The following OPHN1 variants were observed in gnomAD, a reference collection of about 807,000 sequenced individuals.
OPHN1 encodes the protein oligophrenin-1.
Under a neutral mutation model 60.7 loss-of-function variants are expected in OPHN1, and 11 were observed. That is an observed-to-expected ratio of 0.18 (90% confidence interval 0.11 to 0.30). OPHN1 has a LOEUF of 0.30. Among genes scored for constraint, OPHN1 ranks in the 10% least tolerant of loss-of-function variants. OPHN1 has a pLI of 1.00. For synonymous variants in OPHN1, 226 were observed against 222.6 expected, an observed-to-expected ratio of 1.02 and a Z score of -0.14; for missense variants, 449 against 611.0, an observed-to-expected ratio of 0.73 and a Z score of 2.80.
chrX:68,116,769 A>G (rs958342156), intron 16 of OPHN1, among the ~76,000 whole-genome samples: 5 of 111,659 alleles, frequency 4.5e-5, no homozygotes, highest in Non-Finnish European at 9.4e-5. Flanking sequence ...ATGCATGACC[A>G]TCATTTGGTT....
chrX:68,325,188 T>G (rs756552144), intron 2 of OPHN1, among the ~76,000 whole-genome samples: 44 of 108,882 alleles, frequency 4.0e-4, no homozygotes, highest in Non-Finnish European at 4.6e-4. Flanking sequence ...AATCTGTAGG[T>G]TTTTTTTTAA....
At chrX:68,283,438 T>C (rs990988498) in intron 3 of OPHN1, among the ~76,000 whole-genome samples, 1 of 111,986 alleles carries the variant, frequency 8.9e-6, no homozygotes, top group Non-Finnish European at 1.9e-5. Flanking sequence ...GTGTAATTAA[T>C]TGGCAGCTAT....
At chrX:68,339,073 G>A (rs985330618) in intron 2 of OPHN1, among the ~76,000 whole-genome samples, 45 of 92,063 alleles carry the variant, frequency 4.9e-4, no homozygotes, top group African/African-American at 2.1e-3. Context: ...GTGAGACCCT[G>A]TCTGAAAAAA....
intron 4 of OPHN1, among the ~76,000 whole-genome samples, chrX:68,276,732 AG>A (rs1275011147): frequency 9.0e-6 from 1 of 111,282 alleles, no homozygotes; most frequent in Non-Finnish European, 1.9e-5. Flanking sequence ...GTACTCCAGA[AG>A]TAACACTCTG....
At chrX:68,235,707 A>C (rs2077749857) in intron 5 of OPHN1, among the ~76,000 whole-genome samples, 2 of 108,830 alleles carry the variant, frequency 1.8e-5, no homozygotes, top group African/African-American at 6.7e-5. Context: ...AGAGAAAAAA[A>C]ATTAGCTGGG....
intron 2 of OPHN1, among the ~76,000 whole-genome samples, chrX:68,332,507 G>A (rs1039902396): frequency 8.9e-6 from 1 of 112,111 alleles, no homozygotes. Flanking sequence ...GGCCACAGCC[G>A]AGGGAAAGGT....
At chrX:68,348,097 C>T (rs1056325198) in intron 2 of OPHN1, among the ~76,000 whole-genome samples, 5 of 111,773 alleles carry the variant, frequency 4.5e-5, no homozygotes, top group African/African-American at 1.6e-4. Context: ...GTGTGGGGCA[C>T]ATGAGTTATC....
chrX:68,131,459 G>A (rs1308191057), intron 15 of OPHN1, among the ~76,000 whole-genome samples: 1 of 110,558 alleles, frequency 9.0e-6, no homozygotes, highest in Non-Finnish European at 1.9e-5. Flanking sequence ...CAAGTGATCC[G>A]CCCACCTCGG....
intron 2 of OPHN1, among the ~76,000 whole-genome samples, chrX:68,357,382 C>T (rs2078446676): frequency 9.0e-6 from 1 of 110,772 alleles, no homozygotes; most frequent in Non-Finnish European, 1.9e-5. Flanking sequence ...AGGTATATCT[C>T]CTGATGCTAT....
intron 19 of OPHN1, among the ~76,000 whole-genome samples, chrX:68,095,817 G>A (rs184239429): frequency 1.2e-4 from 13 of 111,551 alleles, no homozygotes; most frequent in Admixed American, 5.7e-4. Context: ...TCTGTTGCAA[G>A]TGTACAAGAA....
chrX:68,226,733 C>A (rs994166354), intron 6 of OPHN1, among the ~76,000 whole-genome samples: 1 of 111,371 alleles, frequency 9.0e-6, no homozygotes, highest in Non-Finnish European at 1.9e-5. Flanking sequence ...AAAGGAAGCA[C>A]TAAACATGGA....
chrX:68,316,730 G>A (rs1002427028), intron 2 of OPHN1, among the ~76,000 whole-genome samples: 4 of 110,899 alleles, frequency 3.6e-5, no homozygotes, highest in Non-Finnish European at 7.5e-5. Context: ...TATAAAGACC[G>A]TTATGAAAAC....
intron 15 of OPHN1, among the ~76,000 whole-genome samples, chrX:68,175,871 G>C (rs758732537): frequency 8.9e-6 from 1 of 112,170 alleles, no homozygotes; most frequent in East Asian, 2.8e-4. Flanking sequence ...CATAAAGACA[G>C]ACCTGCAGTC....
chrX:68,204,274 T>C (rs947664426), intron 10 of OPHN1, among the ~76,000 whole-genome samples: 1 of 111,959 alleles, frequency 8.9e-6, no homozygotes, highest in Non-Finnish European at 1.9e-5. Flanking sequence ...AAATTGACCA[T>C]GAAAACACAG....
chrX:68,242,954 G>A (rs2077788663), intron 5 of OPHN1, among the ~76,000 whole-genome samples: 1 of 110,295 alleles, frequency 9.1e-6, no homozygotes, highest in East Asian at 2.8e-4. Flanking sequence ...TGCAACCTTT[G>A]CCTCCTGGGT....
At chrX:68,187,062 T>C (rs1051442251) in intron 15 of OPHN1, among the ~76,000 whole-genome samples, 1 of 111,911 alleles carries the variant, frequency 8.9e-6, no homozygotes, top group Non-Finnish European at 1.9e-5. Context: ...GTCAATAAGA[T>C]AACCACTGCC....
At chrX:68,392,220 C>T (rs2078657082) in intron 2 of OPHN1, among the ~76,000 whole-genome samples, 1 of 111,307 alleles carries the variant, frequency 9.0e-6, no homozygotes, top group Non-Finnish European at 1.9e-5. Flanking sequence ...GATCCACTTC[C>T]ACTTAATGAA....
intron 2 of OPHN1, among the ~76,000 whole-genome samples, chrX:68,373,112 C>G (rs1317559285): frequency 3.6e-5 from 4 of 111,818 alleles, no homozygotes; most frequent in Non-Finnish European, 5.6e-5. Flanking sequence ...GGTTCTTCAG[C>G]CTTTTCAGCT....
chrX:68,158,256 T>G (rs1005344772), intron 15 of OPHN1, among the ~76,000 whole-genome samples: 1 of 112,698 alleles, frequency 8.9e-6, no homozygotes, highest in African/African-American at 3.2e-5. Flanking sequence ...AAGGCAGGTA[T>G]AGGCTGGACC....
Sources: allele counts gnomAD v4.1 joint callset (sites outside exome capture counted in the v4.1 genomes callset), GRCh38; gene constraint gnomAD v4.1.1; transcripts MANE v1.5; gene names NCBI Gene and HGNC (gene_info 2026-07-23, HGNC 2026-07-21).